The following STT3B variants were observed in gnomAD, a reference collection of about 807,000 sequenced individuals.
The protein encoded by STT3B is STT3 oligosaccharyltransferase complex catalytic subunit B.
A neutral mutation model predicts 96.8 loss-of-function variants in STT3B; 29 were observed. The observed-to-expected ratio is 0.30, with a 90% CI of 0.22 to 0.41. The LOEUF (loss-of-function observed/expected upper bound fraction) is 0.41. STT3B is among the 10% of genes least tolerant of loss of function. STT3B has a pLI of 1.00. For synonymous variants in STT3B, 367 were observed against 360.0 expected (o/e 1.02, Z -0.22); for missense variants, 640 against 1,022.3 (o/e 0.63, Z 5.10).
intron 14 of STT3B, among the ~76,000 whole-genome samples, chr3:31,631,744 G>A (rs1456638032): frequency 6.6e-6 from 1 of 151,522 alleles, no homozygotes; most frequent in Non-Finnish European, 1.5e-5. Context: ...CCAGGAGTTC[G>A]AGACTAGCCT....
intron 6 of STT3B, 121 bp downstream of exon 6, chr3:31,615,324 C>G: frequency 1.5e-6 from 1 of 678,558 alleles, no homozygotes; most frequent in South Asian, 2.0e-5. Context: ...AGTAATCTGA[C>G]TCACAATTAT....
At position 31,558,078 on chromosome 3, in the gene STT3B, G is replaced by A. The variant is rs142230574; in HGVS notation, c.315-18318G>A. Among the ~76,000 whole-genome samples, 1,073 of 152,232 alleles carry A rather than the reference G, an allele frequency of 7.0e-3. 11 individuals are homozygous for A. The highest frequency in any genetic ancestry group is 0.024 in the African/African-American group (991 of 41,536). On this transcript the variant is annotated intron_variant, in intron 1 of 15. Transcript: ENST00000295770. ...TGCTTATTAGCTCTAAGAGTTTTTTGGCAGAGTCTTTTGGTTTTTCCAAAT... is the reference window on the plus strand; with the variant it reads ...TGCTTATTAGCTCTAAGAGTTTTTTAGCAGAGTCTTTTGGTTTTTCCAAAT...
chr3:31,541,162 A>C (rs1697255468), intron 1 of STT3B, among the ~76,000 whole-genome samples: 1 of 152,148 alleles, frequency 6.6e-6, no homozygotes, highest in African/African-American at 2.4e-5. Flanking sequence ...GAGAAAAGAT[A>C]ATTCAGTTTC....
chr3:31,606,640 C>T (rs1699060633), intron 5 of STT3B, among the ~76,000 whole-genome samples: 1 of 152,188 alleles, frequency 6.6e-6, no homozygotes, highest in African/African-American at 2.4e-5. Flanking sequence ...CCTGGATGTC[C>T]AGGCAGAAGT....
chr3:31,632,812 AT>A, intron 14 of STT3B, 122 bp from the exon 15 acceptor site: 1 of 827,350 alleles, frequency 1.2e-6, no homozygotes, highest in Non-Finnish European at 1.9e-6. Context: ...AGGTAGATAG[AT>A]TACTTGATTG....
chr3:31,573,415 T>A (rs1698201094), intron 1 of STT3B, among the ~76,000 whole-genome samples: 1 of 152,114 alleles, frequency 6.6e-6, no homozygotes. Flanking sequence ...AGTAGTCTAG[T>A]TAAAAGATGA....
chr3:31,570,169 G>T (rs1351458439), intron 1 of STT3B, among the ~76,000 whole-genome samples: 2 of 152,150 alleles, frequency 1.3e-5, no homozygotes, highest in Admixed American at 6.5e-5. Context: ...ACAGGTGTTT[G>T]AGTTTAATGA....
At chr3:31,535,152 G>C (rs1329617934) in intron 1 of STT3B, among the ~76,000 whole-genome samples, 3 of 151,878 alleles carry the variant, frequency 2.0e-5, no homozygotes, top group African/African-American at 7.3e-5. Context: ...GTAACTCTGG[G>C]GCTGAAATTA....
chr3:31,623,340 C>T (rs181106001), intron 10 of STT3B, among the ~76,000 whole-genome samples: 346 of 152,260 alleles, frequency 2.3e-3, no homozygotes, highest in Admixed American at 6.6e-3. Flanking sequence ...TAAGAATTTA[C>T]ATATTAAGAT....
At chr3:31,613,186 T>G (rs1237654531) in intron 5 of STT3B, among the ~76,000 whole-genome samples, 1 of 152,154 alleles carries the variant, frequency 6.6e-6, no homozygotes, top group African/African-American at 2.4e-5. Context: ...GAATTTGTTC[T>G]CTTTAAAATG....
Position 31,625,954 on chromosome 3 carries a change from G to A in STT3B, c.1900G>A (p.Val634Met). The change falls in exon 13 of 16, where the codon GTG becomes ATG. Residue 634 changes from valine (V) to methionine (M), a missense_variant and splice_region_variant. Val to Met is a conservative substitution (Grantham distance 21). This residue lies in a region of STT3B where 149 missense variants were observed against 250.2 expected (regional missense o/e 0.60). Transcript: ENST00000295770. ...NTWNNSHIALVGKAMSSNETA... is the reference protein window; with the variant it reads ...NTWNNSHIALMGKAMSSNETA... ...TCTCATTTTTTTTTAAATTCTGCAG[G>A]TGGGAAAAGCTATGTCTTCTAATGA... The A allele has an allele frequency of 6.3e-7, 1 of 1,579,552 alleles. No individual in the cohort carries two copies. The highest frequency in any genetic ancestry group is 8.6e-7 in the Non-Finnish European group (1 of 1,166,662).
intron 1 of STT3B, among the ~76,000 whole-genome samples, chr3:31,546,052 G>GT (rs1697405069): frequency 6.6e-6 from 1 of 151,746 alleles, no homozygotes; most frequent in African/African-American, 2.4e-5. Context: ...TGAATATCCA[G>GT]TTTTTTTTCT....
chr3:31,596,888 A>T (rs772734200), intron 4 of STT3B, 25 bp downstream of exon 4: 1 of 1,561,468 alleles, frequency 6.4e-7, no homozygotes, highest in Admixed American at 1.7e-5. Context: ...TTGAGACTAC[A>T]TGAAGTCTAG....
intron 1 of STT3B, among the ~76,000 whole-genome samples, chr3:31,551,051 G>C (rs1349112819): frequency 3.9e-5 from 6 of 152,156 alleles, no homozygotes; most frequent in Non-Finnish European, 7.4e-5. Flanking sequence ...TAGCCTGAGA[G>C]GGCCTACTAA....
rs1212167048 is a variant in STT3B, at chr3:31,576,561, A to G, written c.423+57A>G. 6.7e-6 allele frequency: 7 copies of G among 1,040,738 alleles called. No homozygotes were observed. In the Admixed American group the frequency reaches 1.6e-4, roughly 23 times the overall value. The allele number at this position is 1,040,738 out of a possible 1,614,324, so 64.5% of individuals were successfully genotyped here. ...ATAACATTTATTGTTACTTGAGTAA[A>G]TCATTAATTGCCAAGGTGGTAGGGA... On this transcript the variant is annotated intron_variant, in intron 2 of 15. Coordinates refer to ENST00000295770, the MANE Select transcript of STT3B (RefSeq NM_178862.3).
At chr3:31,595,354 A>G (rs9819949) in intron 3 of STT3B, among the ~76,000 whole-genome samples, 24,068 of 152,172 alleles carry the variant, frequency 0.16, 2,288 homozygotes, top group East Asian at 0.26. Context: ...CTTTTCTCCT[A>G]AAGTCTTTTC....
intron 15 of STT3B, among the ~76,000 whole-genome samples, chr3:31,634,957 G>C (rs868253677): frequency 9.2e-5 from 14 of 152,272 alleles, no homozygotes; most frequent in Middle Eastern, 6.8e-3. Flanking sequence ...GTTAGCAGTA[G>C]CTAATTTTTA....
At chr3:31,566,689 T>C (rs1294832864) in intron 1 of STT3B, among the ~76,000 whole-genome samples, 1 of 152,214 alleles carries the variant, frequency 6.6e-6, no homozygotes, top group Non-Finnish European at 1.5e-5. Flanking sequence ...ACCTCATTTA[T>C]ACCCTGCTTA....
At chr3:31,565,507 A>G (rs1419039453) in intron 1 of STT3B, among the ~76,000 whole-genome samples, 2 of 152,242 alleles carry the variant, frequency 1.3e-5, no homozygotes, top group African/African-American at 4.8e-5. Context: ...TCGGAGAAGT[A>G]AAGATGACAA....
Sources: gnomAD v4.1 joint callset for allele counts (sites outside exome capture counted in the v4.1 genomes callset) on GRCh38, gnomAD v4.1.1 for gene constraint, gnomAD v4.1.1 regional missense constraint, MANE v1.5 for transcripts, NCBI Gene and HGNC (gene_info 2026-07-23, HGNC 2026-07-21) for gene names.